Variants in MUC5AC observed in about 807,000 individuals in gnomAD.
MUC5AC encodes the protein mucin 5AC, oligomeric mucus/gel-forming.
MUC5AC carries 158 observed loss-of-function variants against 169.7 expected under a neutral mutation model. The observed-to-expected ratio is 0.93, with a 90% CI of 0.82 to 1.06. The LOEUF (loss-of-function observed/expected upper bound fraction) is 1.06, where lower values mean the gene tolerates loss of function less well. Ranked by LOEUF, MUC5AC falls within the 50% of genes least tolerant of loss-of-function variation. MUC5AC has a pLI of 0.00. For missense variants in MUC5AC, 4,359 were observed against 3,089.9 expected, an observed-to-expected ratio of 1.41 and a Z score of -9.74; for synonymous variants, 1,975 against 1,237.0, an observed-to-expected ratio of 1.60 and a Z score of -12.52.
Position 1,181,371 on chromosome 11 carries a change from C to T in MUC5AC, c.3921C>T (p.Ala1307=), listed in dbSNP as rs1286621711. 18 of 398,580 alleles carry T rather than the reference C, an allele frequency of 4.5e-5. No individual in the cohort carries two copies. The highest frequency in any genetic ancestry group is 6.2e-4 in the Middle Eastern group (1 of 1,612). The allele number at this position is 398,580 out of a possible 1,614,324, so 24.7% of individuals were successfully genotyped here. The change falls in exon 30 of 49, where the codon GCC becomes GCT. Residue 1307 remains alanine, a synonymous_variant. Transcript: ENST00000621226. ...TGGCISARCG[A]NGTIERRVYP... is the part of the protein sequence containing the mutation. ...GCTGCATCTCCGCCCGCTGCGGGGCCAACGGCACCATTGAGAGGAGGGTCT... is the reference window on the plus strand; with the variant it reads ...GCTGCATCTCCGCCCGCTGCGGGGCTAACGGCACCATTGAGAGGAGGGTCT...
At chr11:1,175,931 AC>A (rs1860672659) in intron 19 of MUC5AC, among the ~76,000 whole-genome samples, 1 of 92,644 alleles carries the variant, frequency 1.1e-5, no homozygotes, top group Non-Finnish European at 2.4e-5. Flanking sequence ...ATGCACACAC[AC>A]TCATACTCAT....
intron 24 of MUC5AC, among the ~76,000 whole-genome samples, chr11:1,178,152 G>C (rs1378832315): frequency 6.6e-6 from 1 of 152,252 alleles, no homozygotes; most frequent in Non-Finnish European, 1.5e-5. Context: ...ATAGGCGCCG[G>C]GGTCAGGACT....
Position 1,199,907 on chromosome 11 carries a change from C to T in MUC5AC, c.16638C>T (p.Cys5546=). 1 of 764,648 alleles carries T rather than the reference C, an allele frequency of 1.3e-6. No individual in the cohort carries two copies. The highest frequency in any genetic ancestry group is 2.4e-6 in the Non-Finnish European group (1 of 417,672). The allele number at this position is 764,648 out of a possible 1,614,324, so 47.4% of individuals were successfully genotyped here. The change falls in exon 48 of 49, where the codon TGC becomes TGT. Residue 5546 remains cysteine (C), a synonymous_variant. Coordinates refer to ENST00000621226, the MANE Select transcript of MUC5AC (RefSeq NM_001304359.2). ...GCCTGATCATCCAGCAGCAGGGCTGCAGCTCCTCGGAGCCCGTGCGCCTGG... is the reference window on the plus strand; with the variant it reads ...GCCTGATCATCCAGCAGCAGGGCTGTAGCTCCTCGGAGCCCGTGCGCCTGG... The part of the protein sequence containing the change: ...HRSLIIQQQG[C]SSSEPVRLAY...
chr11:1,162,869 G>A, intron 5 of MUC5AC, 86 bp from the exon 6 acceptor site: 2 of 1,369,284 alleles, frequency 1.5e-6, no homozygotes, highest in Non-Finnish European at 2.1e-6. Flanking sequence ...GTGGGCCTCG[G>A]CCCCTCCTCG....
At position 1,185,122 on chromosome 11, in the gene MUC5AC, C is replaced by T. The variant is rs1162166715; in HGVS notation, c.6977C>T (p.Ser2326Phe). Residue 2326 changes from serine (S) to phenylalanine (F), a missense_variant, in exon 31 of 49, where the codon TCT (serine) becomes TTT (phenylalanine). By Grantham distance (155) the Ser-to-Phe change is radical. Transcript: ENST00000621226. Reference protein sequence around the residue: ...TISAPTTSITSAPTTSTTSAP... With the variant: ...TISAPTTSITFAPTTSTTSAP... The stretch of plus-strand genomic sequence containing the variant: ...TCTGCTCCTACAACTAGCATAACCT[C>T]TGCCCCTACAACCAGCACAACCTCT... 4 of 721,286 alleles carry T rather than the reference C, an allele frequency of 5.5e-6. No individual in the cohort carries two copies. The East Asian group carries it at 7.7e-5, about 14-fold the overall frequency. The allele number at this position is 721,286 out of a possible 1,614,324, so 44.7% of individuals were successfully genotyped here.
intron 42 of MUC5AC, 29 bp downstream of exon 42, chr11:1,198,033 G>A (rs754482181): frequency 3.1e-6 from 2 of 646,936 alleles, no homozygotes; most frequent in East Asian, 5.4e-5. Context: ...GCCCTGTCAG[G>A]GGCCGTGGGC....
rs1774021154 is a variant in MUC5AC at position 1,180,495 on chromosome 11, C to T, written c.3755C>T (p.Ser1252Leu). The T allele has an allele frequency of 1.3e-5, 5 of 398,798 alleles. No individual in the cohort carries two copies. Among genetic ancestry groups the T allele is most frequent in the Middle Eastern group, 6.3e-4 (1 of 1,590 alleles). The allele number at this position is 398,798 out of a possible 1,614,324, so 24.7% of individuals were successfully genotyped here. ...TACCGGCCAGGTGCAGTGGTGCCCT[C>T]GGACAAGAACTGCCAGTCCTGGTGA... ...KSYRPGAVVP[S>L]DKNCQSCLCT... Residue 1252 changes from serine to leucine, a missense_variant, in exon 28 of 49, where the codon TCG becomes TTG. Ser to Leu is a moderately radical substitution (Grantham distance 145). Coordinates refer to ENST00000621226, the MANE Select transcript of MUC5AC (RefSeq NM_001304359.2).
chr11:1,174,659 G>A, intron 17 of MUC5AC, 37 bp downstream of exon 17: 1 of 791,736 alleles, frequency 1.3e-6, no homozygotes, highest in Non-Finnish European at 2.0e-6. Flanking sequence ...TTCCCTCGCT[G>A]GGTGGCCGCG....
chr11:1,177,766 G>T (rs1298537490), intron 24 of MUC5AC, 133 bp downstream of exon 24: 3 of 396,490 alleles, frequency 7.6e-6, no homozygotes, highest in Non-Finnish European at 8.9e-6. Flanking sequence ...GTGGGAAGTG[G>T]GGGGGACGGA....
Position 1,174,271 on chromosome 11 carries a change from G to T in MUC5AC, c.1966-225G>T, listed in dbSNP as rs939138854. On this transcript the variant is annotated intron_variant, in intron 16 of 48. Transcript: ENST00000621226. Reference sequence around the variant, plus strand: ...GTTGGGTCACAGAGATGAAGGATCTGGTTCTCCCAGTAACCCCTGCTCTGC... The same window carrying T: ...GTTGGGTCACAGAGATGAAGGATCTTGTTCTCCCAGTAACCCCTGCTCTGC... 3.9e-3 allele frequency among the ~76,000 whole-genome samples: 592 copies of T among 152,348 alleles called. 17 individuals are homozygous for T. The highest frequency in any genetic ancestry group is 0.032 in the Admixed American group (495 of 15,310).
chr11:1,165,461 GGGA>G, intron 10 of MUC5AC, 42 bp downstream of exon 10: 2 of 1,597,880 alleles, frequency 1.3e-6, no homozygotes, highest in Non-Finnish European at 1.7e-6. Context: ...GATGTGCTAT[GGGA>G]CAGACCTGCT....
Position 1,194,221 on chromosome 11 carries a change from G to A in MUC5AC, c.14867G>A (p.Gly4956Asp), listed in dbSNP as rs1236227833. ...VLVQQIVPVYGHFRVLVDNYF... is the reference protein window; with the variant it reads ...VLVQQIVPVYDHFRVLVDNYF... ...GTGCAGCAGATTGTGCCCGTGTATGGCCACTTCCGCGTGCTCGTCGACAAC... is the reference window on the plus strand; with the variant it reads ...GTGCAGCAGATTGTGCCCGTGTATGACCACTTCCGCGTGCTCGTCGACAAC... Residue 4956 changes from glycine to aspartate, a missense_variant, in exon 34 of 49, where the codon GGC becomes GAC. Physicochemically the swap from Gly to Asp is moderately conservative, Grantham distance 94. Transcript: ENST00000621226. 3 of 764,916 alleles carry A rather than the reference G, an allele frequency of 3.9e-6. No individual in the cohort carries two copies. Among genetic ancestry groups the A allele is most frequent in the Non-Finnish European group, 7.2e-6 (3 of 417,882 alleles). 47.4% of individuals were successfully genotyped at this position (764,916 alleles called of 1,614,324 possible). A position where few individuals can be genotyped will look rare whatever the true frequency, so the allele number is the denominator to read the frequency against.
At chr11:1,181,060 G>A (rs998759779) in intron 28 of MUC5AC, 79 bp from the exon 29 acceptor site, 30 of 398,256 alleles carry the variant, frequency 7.5e-5, no homozygotes, top group Non-Finnish European at 1.2e-4. Flanking sequence ...CTCCCTGCCC[G>A]CCGTTGGTAG....
Position 1,192,768 on chromosome 11 carries a change from C to A in MUC5AC, c.14381-15C>A, listed in dbSNP as rs771804019. On this transcript the variant is annotated splice_polypyrimidine_tract_variant and intron_variant, in intron 31 of 48. Transcript: ENST00000621226. Reference sequence around the variant, plus strand: ...AGGACTCCACTAAAGGCTGCCATGTCCCTTCCTCTTACAGGATCCACCATA... The same window carrying A: ...AGGACTCCACTAAAGGCTGCCATGTACCTTCCTCTTACAGGATCCACCATA... 1.3e-6 allele frequency: 1 copy of A among 749,356 alleles called. No homozygotes were observed. The allele number at this position is 749,356 out of a possible 1,614,324, so 46.4% of individuals were successfully genotyped here.
In MUC5AC at chr11:1,197,766, C is replaced by T. The variant is rs1590154376; in HGVS notation, c.16033+127C>T. 25 of 629,714 alleles carry T rather than the reference C, an allele frequency of 4.0e-5. No individual in the cohort carries two copies. The South Asian group carries it at 4.4e-4, about 11-fold the overall frequency. The allele number at this position is 629,714 out of a possible 1,614,324, so 39.0% of individuals were successfully genotyped here. Reference sequence around the variant, plus strand: ...AGTGCCTACGAGGGCGTCCCCTCCTCCGCTTCCGCAACAGCCTCATCTGGA... The same window carrying T: ...AGTGCCTACGAGGGCGTCCCCTCCTTCGCTTCCGCAACAGCCTCATCTGGA... On this transcript the variant is annotated intron_variant, in intron 41 of 48. Transcript: ENST00000621226.
intron 40 of MUC5AC, 39 bp from the exon 41 acceptor site, chr11:1,197,429 G>A (rs1861304801): frequency 4.3e-6 from 3 of 697,762 alleles, no homozygotes; most frequent in Non-Finnish European, 7.8e-6. Context: ...CCTGGGTGGA[G>A]CCGCTGCGGA....
chr11:1,199,664 C>A (rs1171941340), intron 46 of MUC5AC, 31 bp from the exon 47 acceptor site: 2 of 703,216 alleles, frequency 2.8e-6, no homozygotes, highest in Non-Finnish European at 5.2e-6. Context: ...CCGAGCGCCT[C>A]GGCACTGAGG....
intron 10 of MUC5AC, 50 bp downstream of exon 10, chr11:1,165,469 C>T (rs766878071): frequency 1.3e-6 from 2 of 1,594,668 alleles, no homozygotes; most frequent in South Asian, 1.1e-5. Flanking sequence ...ATGGGACAGA[C>T]CTGCTGGGGG....
At chr11:1,200,094 G>A (rs1490358511) in intron 48 of MUC5AC, 125 bp downstream of exon 48, 2 of 612,920 alleles carry the variant, frequency 3.3e-6, no homozygotes, top group East Asian at 2.7e-5. Context: ...GGGCTCTGAG[G>A]GTGAGGCGGG....
Sources: allele counts gnomAD v4.1 joint callset (sites outside exome capture counted in the v4.1 genomes callset), GRCh38; gene constraint gnomAD v4.1.1; transcripts MANE v1.5; gene names NCBI Gene and HGNC (gene_info 2026-07-23, HGNC 2026-07-21).